Variants in ANKRD31 observed in about 807,000 individuals in gnomAD.
ANKRD31 encodes the protein ankyrin repeat domain-containing protein 31.
Under a neutral mutation model 186.0 loss-of-function variants are expected in ANKRD31, and 147 were observed. The ratio of observed to expected loss-of-function variants is 0.79; its 90% CI spans 0.69 to 0.91. The LOEUF is 0.91. Among genes scored for constraint, ANKRD31 ranks in the 40% least tolerant of loss-of-function variants. ANKRD31 has a pLI of 0.00. For missense variants in ANKRD31, 1,986 were observed against 2,148.8 expected (o/e 0.92, Z 1.50); for synonymous variants, 673 against 736.4 (o/e 0.91, Z 1.39).
chr5:75,236,172 A>G (rs1758262442), intron 1 of ANKRD31, among the ~76,000 whole-genome samples: 1 of 152,166 alleles, frequency 6.6e-6, no homozygotes, highest in Admixed American at 6.5e-5. Flanking sequence ...TCCCCATCAC[A>G]CATTCTTTTC....
intron 24 of ANKRD31, among the ~76,000 whole-genome samples, chr5:75,080,920 TA>T (rs138584689): frequency 0.056 from 6,257 of 110,914 alleles, 177 homozygotes; most frequent in Non-Finnish European, 0.067. Flanking sequence ...CACACAAAAT[TA>T]TTTTTTTTTT....
chr5:75,135,585 TA>T (rs1158875607), intron 17 of ANKRD31, among the ~76,000 whole-genome samples: 1 of 152,128 alleles, frequency 6.6e-6, no homozygotes, highest in Admixed American at 6.5e-5. Context: ...AAAATGGCCA[TA>T]CTGCCCAAGG....
At chr5:75,236,368 C>G (rs530577539) in intron 1 of ANKRD31, among the ~76,000 whole-genome samples, 10 of 152,316 alleles carry the variant, frequency 6.6e-5, no homozygotes, top group African/African-American at 2.4e-4. Flanking sequence ...GTACAAACCT[C>G]ATTTTATCCC....
chr5:75,152,791 A>G (rs1250381361), intron 12 of ANKRD31, among the ~76,000 whole-genome samples: 2 of 152,054 alleles, frequency 1.3e-5, no homozygotes, highest in Admixed American at 6.6e-5. Flanking sequence ...GTGTTAGGTA[A>G]TAAGTGCTAT....
intron 11 of ANKRD31, among the ~76,000 whole-genome samples, chr5:75,158,660 TG>T (rs1428765518): frequency 3.9e-5 from 6 of 152,116 alleles, no homozygotes; most frequent in African/African-American, 4.8e-5. Context: ...GGTGTGGTGG[TG>T]CATGCCTATT....
chr5:75,192,833 A>G (rs771772328), intron 8 of ANKRD31, 57 bp from the exon 9 acceptor site: 1 of 1,247,180 alleles, frequency 8.0e-7, no homozygotes, highest in East Asian at 2.5e-5. Flanking sequence ...ACATTCACAG[A>G]GAATTATACC....
intron 23 of ANKRD31, among the ~76,000 whole-genome samples, chr5:75,088,762 T>C (rs905263849): frequency 2.0e-5 from 3 of 152,228 alleles, no homozygotes; most frequent in Non-Finnish European, 4.4e-5. Context: ...AAACCTTTGT[T>C]TTCATATCCA....
intron 18 of ANKRD31, among the ~76,000 whole-genome samples, chr5:75,117,456 G>A (rs1748390903): frequency 6.6e-6 from 1 of 152,076 alleles, no homozygotes; most frequent in Admixed American, 6.6e-5. Flanking sequence ...ATAACACAAT[G>A]AATATCCTTA....
intron 23 of ANKRD31, among the ~76,000 whole-genome samples, chr5:75,085,116 T>G (rs1338268405): frequency 6.6e-6 from 1 of 152,184 alleles, no homozygotes; most frequent in African/African-American, 2.4e-5. Context: ...CATCCCTTCC[T>G]CCAGGATGCC....
At chr5:75,158,003 T>C (rs1752311508) in intron 11 of ANKRD31, among the ~76,000 whole-genome samples, 1 of 151,930 alleles carries the variant, frequency 6.6e-6, no homozygotes, top group Non-Finnish European at 1.5e-5. Flanking sequence ...CTCAGAAGCT[T>C]AGGAGATTAG....
At chr5:75,138,628 G>C (rs184995937) in intron 16 of ANKRD31, among the ~76,000 whole-genome samples, 232 of 152,174 alleles carry the variant, frequency 1.5e-3, no homozygotes, top group African/African-American at 5.3e-3. Flanking sequence ...CCTCTCTGAT[G>C]CTCCCAAATG....
chr5:75,185,826 A>G (rs1482379696), intron 10 of ANKRD31, among the ~76,000 whole-genome samples: 2 of 151,680 alleles, frequency 1.3e-5, no homozygotes, highest in Non-Finnish European at 2.9e-5. Flanking sequence ...ACTATATATT[A>G]TACATATAAT....
At chr5:75,085,457 C>T (rs1012718066) in intron 23 of ANKRD31, among the ~76,000 whole-genome samples, 1 of 152,038 alleles carries the variant, frequency 6.6e-6, no homozygotes, top group African/African-American at 2.4e-5. Context: ...CTGCAACCTC[C>T]ACCTCCTGAG....
At chr5:75,149,503 T>C (rs185429210) in intron 12 of ANKRD31, among the ~76,000 whole-genome samples, 15 of 152,046 alleles carry the variant, frequency 9.9e-5, no homozygotes. Context: ...ATTCACATTA[T>C]ACAGGTGAAA....
intron 24 of ANKRD31, among the ~76,000 whole-genome samples, chr5:75,081,714 G>C (rs1745093622): frequency 6.6e-6 from 1 of 151,712 alleles, no homozygotes; most frequent in African/African-American, 2.4e-5. Flanking sequence ...GAGAGAGAGA[G>C]AGACAGAGAG....
At chr5:75,145,920 T>C (rs1449558997) in intron 14 of ANKRD31, 67 bp downstream of exon 14, 1 of 1,301,636 alleles carries the variant, frequency 7.7e-7, no homozygotes, top group African/African-American at 1.5e-5. Flanking sequence ...ACAATTCAGT[T>C]GGAAATTTCT....
rs1248661042 is a variant in ANKRD31 at position 75,105,065 on chromosome 5, A to G, written c.4494T>C (p.Leu1498=). ...NCRNVTSLPC[L]SLRKLPPRSE... is the part of the protein sequence containing the mutation. ...ATCTGGGTGGGAGCTTCCTTAAACT[A>G]AGACAAGGCAATGATGTAACATTCC... The change falls in exon 22 of 26, where the codon CTT becomes CTC. Residue 1498 remains leucine (L), a synonymous_variant. Transcript: ENST00000506364. The G allele has an allele frequency of 6.5e-7, 1 of 1,536,900 alleles. No homozygotes were observed. Among genetic ancestry groups the G allele is most frequent in the African/African-American group, 1.4e-5 (1 of 73,014 alleles).
chr5:75,136,730 C>T (rs1322061981), intron 17 of ANKRD31, among the ~76,000 whole-genome samples: 2 of 152,176 alleles, frequency 1.3e-5, no homozygotes, highest in Non-Finnish European at 2.9e-5. Flanking sequence ...TTTATTGTGG[C>T]ACTATTCACA....
At chr5:75,136,313 A>G (rs1750570094) in intron 17 of ANKRD31, among the ~76,000 whole-genome samples, 1 of 152,256 alleles carries the variant, frequency 6.6e-6, no homozygotes, top group South Asian at 2.1e-4. Context: ...AAACAAATTT[A>G]CAAGAAAAAA....
Sources: gnomAD v4.1 joint callset for allele counts (sites outside exome capture counted in the v4.1 genomes callset) on GRCh38, gnomAD v4.1.1 for gene constraint, MANE v1.5 for transcripts, NCBI Gene and HGNC (gene_info 2026-07-23, HGNC 2026-07-21) for gene names.